The following KIF26B variants were observed in gnomAD, a reference collection of about 807,000 sequenced individuals.
KIF26B encodes kinesin-like protein KIF26B.
In KIF26B, 63 loss-of-function variants were observed where a neutral mutation model predicts 151.2. That is an observed-to-expected ratio of 0.42 (90% CI 0.34 to 0.51). The LOEUF (loss-of-function observed/expected upper bound fraction) is 0.51, where lower values mean the gene tolerates loss of function less well. Among genes scored for constraint, KIF26B ranks in the 20% least tolerant of loss-of-function variants. The probability of loss-of-function intolerance (pLI) is 0.07; values close to 1 mark genes in which losing one functional copy is unlikely to be tolerated. For missense variants in KIF26B, 2,813 were observed against 2,913.6 expected (o/e 0.97, Z 0.79); for synonymous variants, 1,357 against 1,262.1 (o/e 1.08, Z -1.59).
intron 9 of KIF26B, 117 bp downstream of exon 9, chr1:245,612,093 TGTGTGTGTGTGTGA>T (rs1270074681): frequency 1.3e-4 from 97 of 726,480 alleles, no homozygotes; most frequent in Admixed American, 2.5e-4. Context: ...TGTGTGTGTG[TGTGTGTGTGTGTGA>T]GAGAGAGAGA....
chr1:245,478,579 G>A (rs1284488334), intron 4 of KIF26B, among the ~76,000 whole-genome samples: 1 of 151,516 alleles, frequency 6.6e-6, no homozygotes, highest in Admixed American at 6.6e-5. Flanking sequence ...ACCACGTCTG[G>A]CTAATTTTTT....
chr1:245,547,036 C>T (rs907307810), intron 5 of KIF26B, among the ~76,000 whole-genome samples: 2 of 152,188 alleles, frequency 1.3e-5, no homozygotes, highest in Non-Finnish European at 2.9e-5. Flanking sequence ...ATTTCGCCAG[C>T]CTCTGGACAG....
At chr1:245,186,531 A>C (rs1057469828) in intron 2 of KIF26B, among the ~76,000 whole-genome samples, 2 of 152,302 alleles carry the variant, frequency 1.3e-5, no homozygotes, top group African/African-American at 4.8e-5. Context: ...TGTTCTGAGA[A>C]AGTGAGCTTG....
At chr1:245,521,297 A>G (rs928664323) in intron 4 of KIF26B, among the ~76,000 whole-genome samples, 8 of 151,354 alleles carry the variant, frequency 5.3e-5, no homozygotes, top group Non-Finnish European at 7.4e-5. Context: ...AGATCGCACC[A>G]CTGCACTCCA....
At chr1:245,472,834 G>A (rs577514804) in intron 4 of KIF26B, among the ~76,000 whole-genome samples, 3 of 152,324 alleles carry the variant, frequency 2.0e-5, no homozygotes, top group South Asian at 2.1e-4. Context: ...GACCTACAAT[G>A]TGCTACTGAA....
intron 9 of KIF26B, among the ~76,000 whole-genome samples, chr1:245,621,674 G>A (rs1362667104): frequency 6.6e-6 from 1 of 152,202 alleles, no homozygotes; most frequent in Non-Finnish European, 1.5e-5. Context: ...ATCACCTATT[G>A]TGTTCATTTG....
rs1446931595 is a variant in KIF26B, at chr1:245,218,734, C to A, written c.465+62051C>A. Among the ~76,000 whole-genome samples the A allele has an allele frequency of 2.0e-5, 3 of 152,102 alleles. No individual in the cohort carries two copies. The highest frequency in any genetic ancestry group is 4.4e-5 in the Non-Finnish European group (3 of 68,022). ...TTTTAATAAGCAAATATACATGGTA[C>A]CTTGCCGTAGGGGGGCTTTATGTTT... is the stretch of plus-strand genomic sequence containing the variant. On this transcript the variant is annotated intron_variant, in intron 2 of 14. Coordinates refer to ENST00000407071, the MANE Select transcript of KIF26B (RefSeq NM_018012.4). This position sits in a 1 kb window ranked among gnomAD's most constrained non-coding sequence, Gnocchi z 4.1.
intron 4 of KIF26B, among the ~76,000 whole-genome samples, chr1:245,440,788 T>C (rs1350732903): frequency 6.6e-6 from 1 of 152,224 alleles, no homozygotes; most frequent in Non-Finnish European, 1.5e-5. Flanking sequence ...CCATAAAAGC[T>C]TGAAGGTGGC....
chr1:245,244,577 G>A lies in KIF26B; in HGVS notation c.465+87894G>A, dbSNP rs543758440. On this transcript the variant is annotated intron_variant, in intron 2 of 14. Coordinates refer to ENST00000407071, the MANE Select transcript of KIF26B (RefSeq NM_018012.4). The surrounding 1 kb of genome is among the most constrained non-coding windows in gnomAD (Gnocchi z 4.2). ...CCCAGAAAATGAGGGGGACATTTAC[G>A]TCATGGAACACAGAGGAAGACTCAT... 1.3e-5 allele frequency among the ~76,000 whole-genome samples: 2 copies of A among 152,178 alleles called. No homozygotes were observed. Among genetic ancestry groups the A allele is most frequent in the African/African-American group, 2.4e-5 (1 of 41,532 alleles).
chr1:245,259,153 G>A (rs1210801699), intron 2 of KIF26B, among the ~76,000 whole-genome samples: 1 of 152,170 alleles, frequency 6.6e-6, no homozygotes, highest in Non-Finnish European at 1.5e-5. Flanking sequence ...AGTGGCTTTG[G>A]AATGGGTGAT....
At chr1:245,451,539 T>C (rs1659390364) in intron 4 of KIF26B, among the ~76,000 whole-genome samples, 2 of 151,530 alleles carry the variant, frequency 1.3e-5, no homozygotes, top group South Asian at 4.1e-4. Context: ...TGAGAAGGTG[T>C]ATTCTCCTTT....
chr1:245,297,955 T>C (rs56253897), intron 2 of KIF26B, among the ~76,000 whole-genome samples: 17,552 of 152,128 alleles, frequency 0.12, 1,208 homozygotes, highest in African/African-American at 0.19. Flanking sequence ...GGTGTGATGT[T>C]GGCTCACTGC....
intron 2 of KIF26B, among the ~76,000 whole-genome samples, chr1:245,354,543 T>G (rs1466620320): frequency 6.6e-6 from 1 of 152,226 alleles, no homozygotes; most frequent in Non-Finnish European, 1.5e-5. Flanking sequence ...GGCAATGTCC[T>G]GTGTAGCCAG....
chr1:245,337,531 TG>T lies in KIF26B; in HGVS notation c.466-29302del, dbSNP rs1672259498. On this transcript the variant is annotated intron_variant, in intron 2 of 14. Coordinates refer to ENST00000407071, the MANE Select transcript of KIF26B (RefSeq NM_018012.4). ...AGTACTTAGGAAATGTGTGTGTGTG[TG>T]TGTGTGTGTGTGTGTGTGTGTGTGC... 1.2e-4 allele frequency among the ~76,000 whole-genome samples: 11 copies of T among 93,900 alleles called. No homozygotes were observed. In the Middle Eastern group the frequency reaches 0.016, roughly 138 times the overall value. The allele number at this position is 93,900 out of a possible 152,430, so 61.6% of individuals were successfully genotyped here.
At chr1:245,532,284 C>A (rs1239979340) in intron 4 of KIF26B, among the ~76,000 whole-genome samples, 3 of 128,642 alleles carry the variant, frequency 2.3e-5, no homozygotes, top group Non-Finnish European at 4.7e-5. Flanking sequence ...CTTGCTCTGT[C>A]GCCCAGGCTG....
chr1:245,257,292 C>G lies in KIF26B; in HGVS notation c.465+100609C>G, dbSNP rs1012092202. Reference sequence around the variant, plus strand: ...TGTGTTTCCCTACAATGTATACAACCAAGCTATAGCCCGACCACTTGGGCA... The same window carrying G: ...TGTGTTTCCCTACAATGTATACAACGAAGCTATAGCCCGACCACTTGGGCA... On this transcript the variant is annotated intron_variant, in intron 2 of 14. Transcript: ENST00000407071. 3.9e-5 allele frequency among the ~76,000 whole-genome samples: 6 copies of G among 152,190 alleles called. No homozygotes were observed. The South Asian group carries it at 8.3e-4, about 21-fold the overall frequency.
At chr1:245,634,476 C>G (rs568047599) in intron 9 of KIF26B, among the ~76,000 whole-genome samples, 112 of 152,178 alleles carry the variant, frequency 7.4e-4, no homozygotes, top group African/African-American at 2.5e-3. Context: ...TAGTAGATAC[C>G]TTTTATTAAA....
chr1:245,502,721 A>AT (rs1167749729), intron 4 of KIF26B, among the ~76,000 whole-genome samples: 1 of 152,182 alleles, frequency 6.6e-6, no homozygotes, highest in Non-Finnish European at 1.5e-5. Flanking sequence ...CTAAGTATGA[A>AT]GAACATGCCT....
chr1:245,280,014 G>C (rs753228601), intron 2 of KIF26B, among the ~76,000 whole-genome samples: 6 of 152,026 alleles, frequency 3.9e-5, no homozygotes, highest in Non-Finnish European at 7.4e-5. Context: ...GTGTGGCTCA[G>C]TTTACAGTAC....
Sources: allele counts gnomAD v4.1 joint callset (sites outside exome capture counted in the v4.1 genomes callset), GRCh38; gene constraint gnomAD v4.1.1; non-coding constraint Gnocchi (gnomAD v3.1); transcripts MANE v1.5; gene names NCBI Gene and HGNC (gene_info 2026-07-23, HGNC 2026-07-21).